Variants in RGR observed in about 807,000 individuals in gnomAD.
The protein encoded by RGR is retinal G protein coupled receptor.
In RGR, 30 loss-of-function variants were observed where a neutral mutation model predicts 28.6. That is an observed-to-expected ratio of 1.05 (90% CI 0.78 to 1.42). The LOEUF (loss-of-function observed/expected upper bound fraction) is 1.42, where lower values mean the gene tolerates loss of function less well. Among genes scored for constraint, RGR ranks in the 40% most tolerant of loss-of-function variants. RGR has a pLI of 0.00. For missense variants in RGR, 404 were observed against 375.6 expected (o/e 1.08, Z -0.62); for synonymous variants, 180 against 156.4 (o/e 1.15, Z -1.13).
At chr10:84,256,028 T>C (rs1185840149) in intron 5 of RGR, among the ~76,000 whole-genome samples, 1 of 149,940 alleles carries the variant, frequency 6.7e-6, no homozygotes, top group Admixed American at 6.6e-5. Context: ...CAGCCTTTTT[T>C]TTTTTTCTTT....
At chr10:84,256,827 T>A (rs1842893949) in intron 5 of RGR, among the ~76,000 whole-genome samples, 1 of 152,050 alleles carries the variant, frequency 6.6e-6, no homozygotes, top group Admixed American at 6.6e-5. Context: ...TAAACCATTG[T>A]CTCTGGTGGG....
Position 84,252,948 on chromosome 10 carries a change from G to T in RGR, c.450G>T (p.Trp150Cys). 1 of 1,614,072 alleles carries T rather than the reference G, an allele frequency of 6.2e-7. No individual in the cohort carries two copies. Residue 150 changes from tryptophan to cysteine, a missense_variant, in exon 4 of 7, where the codon TGG (tryptophan) becomes TGT (cysteine). Physicochemically the swap from Trp to Cys is radical, Grantham distance 215. Coordinates refer to ENST00000652092, the MANE Select transcript of RGR (RefSeq NM_001012720.2). ...GGGCAGCTCTGCCCCTTCTGGGTTG[G>T]GGTCACTACGACTATGAGCCACTGG... Reference protein sequence around the residue: ...AFWAALPLLGWGHYDYEPLGT... With the variant: ...AFWAALPLLGCGHYDYEPLGT...
chr10:84,256,124 G>A (rs1327724038), intron 5 of RGR, among the ~76,000 whole-genome samples: 2 of 114,268 alleles, frequency 1.8e-5, no homozygotes, highest in Non-Finnish European at 1.7e-5. Flanking sequence ...AGGCTGGAGT[G>A]CAGTGGCAAT....
intron 6 of RGR, 97 bp from the exon 7 acceptor site, chr10:84,258,411 G>C: frequency 6.3e-7 from 1 of 1,589,716 alleles, no homozygotes; most frequent in South Asian, 1.1e-5. Context: ...TAAATGATTG[G>C]CAGTTGTAGG....
In RGR at chr10:84,254,430, G is replaced by T. The variant is rs1411889108; in HGVS notation, c.617G>T (p.Ser206Ile). ...YSLMEQKLGK[S>I]GHLQVNTTLP... ...CTCATGGAGCAGAAACTGGGGAAGA[G>T]TGGCCATCTCCAGGTAAGGACCCCC... The change falls in exon 5 of 7, where the codon AGT becomes ATT. Residue 206 changes from serine (S) to isoleucine (I), a missense_variant. By Grantham distance (142) the Ser-to-Ile change is moderately radical. Transcript: ENST00000652092. 19 of 1,614,064 alleles carry T rather than the reference G, an allele frequency of 1.2e-5. No homozygotes were observed. Among genetic ancestry groups the T allele is most frequent in the Non-Finnish European group, 1.5e-5 (18 of 1,179,914 alleles).
In RGR at chr10:84,248,919, C is replaced by T. The variant is rs772957965; in HGVS notation, c.237-3C>T. ...GGTCACTGGTGCCCAGTGTCTCCCA[C>T]AGGCGCTGGCCCTACGGCTCGGACG... On this transcript the variant is annotated splice_region_variant and splice_polypyrimidine_tract_variant and intron_variant, in intron 2 of 6. Coordinates refer to ENST00000652092, the MANE Select transcript of RGR (RefSeq NM_001012720.2). The T allele has an allele frequency of 3.1e-6, 5 of 1,614,236 alleles. No individual in the cohort carries two copies. The South Asian group carries it at 5.5e-5, about 18-fold the overall frequency.
intron 5 of RGR, among the ~76,000 whole-genome samples, chr10:84,256,961 G>A (rs1007659758): frequency 2.0e-5 from 3 of 151,972 alleles, no homozygotes; most frequent in Non-Finnish European, 2.9e-5. Context: ...GGGCCCCGAG[G>A]TGCTGAGCTC....
chr10:84,248,848 C>T, intron 2 of RGR, 74 bp from the exon 3 acceptor site: 1 of 1,613,866 alleles, frequency 6.2e-7, no homozygotes, highest in Admixed American at 1.7e-5. Flanking sequence ...ACACACACTC[C>T]AAGCTGTACT....
chr10:84,252,982 T>C lies in RGR; in HGVS notation c.484T>C (p.Cys162Arg). 1 of 1,613,882 alleles carries C rather than the reference T, an allele frequency of 6.2e-7. No individual in the cohort carries two copies. Among genetic ancestry groups the C allele is most frequent in the Non-Finnish European group, 8.5e-7 (1 of 1,180,026 alleles). Residue 162 changes from cysteine to arginine, a missense_variant, in exon 4 of 7, where the codon TGC (cysteine) becomes CGC (arginine). By Grantham distance (180) the Cys-to-Arg change is radical. Transcript: ENST00000652092. ...HYDYEPLGTCCTLDYSKGDRN... is the reference protein window; with the variant it reads ...HYDYEPLGTCRTLDYSKGDRN... ...CGACTATGAGCCACTGGGGACATGC[T>C]GCACCCTGGACTACTCCAAGGGGGA...
intron 1 of RGR, among the ~76,000 whole-genome samples, chr10:84,246,284 G>A (rs746931433): frequency 3.9e-5 from 6 of 152,082 alleles, no homozygotes; most frequent in Admixed American, 6.6e-5. Context: ...TTACATAGAT[G>A]AATTACATCG....
chr10:84,250,521 C>T (rs1294575831), intron 3 of RGR: 4 of 191,864 alleles, frequency 2.1e-5, no homozygotes, highest in South Asian at 6.4e-5. Flanking sequence ...ATCTTATACA[C>T]ACACACACAC....
intron 1 of RGR, among the ~76,000 whole-genome samples, chr10:84,246,817 C>G (rs1375758483): frequency 2.6e-5 from 4 of 152,216 alleles, no homozygotes; most frequent in African/African-American, 9.7e-5. Flanking sequence ...CATAAGCATT[C>G]CCTTTTTACC....
chr10:84,258,025 C>T lies in RGR; in HGVS notation c.744+19C>T. The T allele has an allele frequency of 6.3e-7, 1 of 1,578,894 alleles. No homozygotes were observed. Among genetic ancestry groups the T allele is most frequent in the South Asian group, 1.1e-5 (1 of 90,296 alleles). ...GCAGATGGTACAGATACTTCTAGTA[C>T]CTAAAACTAGACCCCTCTCCATCTT... On this transcript the variant is annotated intron_variant, in intron 6 of 6. Coordinates refer to ENST00000652092, the MANE Select transcript of RGR (RefSeq NM_001012720.2).
intron 1 of RGR, among the ~76,000 whole-genome samples, chr10:84,246,951 T>C (rs1235833738): frequency 6.6e-6 from 1 of 152,234 alleles, no homozygotes; most frequent in East Asian, 1.9e-4. Context: ...TGGAATGCTC[T>C]TCCATGCACT....
intron 1 of RGR, 134 bp from the exon 2 acceptor site, chr10:84,247,457 A>T: frequency 9.5e-7 from 1 of 1,052,408 alleles, no homozygotes; most frequent in Non-Finnish European, 1.5e-6. Context: ...TATAGCATGA[A>T]GCATGCTACC....
At chr10:84,252,412 A>T (rs1589333039) in intron 3 of RGR, among the ~76,000 whole-genome samples, 1 of 151,644 alleles carries the variant, frequency 6.6e-6, no homozygotes, top group Non-Finnish European at 1.5e-5. Flanking sequence ...TCTCTTTGCC[A>T]CTCCCTCGTC....
rs61441525 is a variant in RGR at position 84,256,059 on chromosome 10, C to CTTTTTTTTTTTTT, written c.630+1633_630+1645dup. On this transcript the variant is annotated intron_variant, in intron 5 of 6. Coordinates refer to ENST00000652092, the MANE Select transcript of RGR (RefSeq NM_001012720.2). ...TCTTTGTTTCTTTTTTTTTTCCTTTCTTTTTTTTTTTTTTTTTTTTTTTTT... is the reference window on the plus strand; with the variant it reads ...TCTTTGTTTCTTTTTTTTTTCCTTTCTTTTTTTTTTTTTTTTTTTTTTTTTTTTTTTTTTTTTT... 1.8e-4 allele frequency among the ~76,000 whole-genome samples: 10 copies of CTTTTTTTTTTTTT among 54,362 alleles called. 1 individual carries two copies. Among genetic ancestry groups the CTTTTTTTTTTTTT allele is most frequent in the Non-Finnish European group, 2.8e-4 (9 of 32,374 alleles). The allele number at this position is 54,362 out of a possible 152,430, so 35.7% of individuals were successfully genotyped here.
At chr10:84,248,337 C>A in intron 2 of RGR, 1 of 368,092 alleles carries the variant, frequency 2.7e-6, no homozygotes, top group Non-Finnish European at 4.4e-6. Context: ...TCCATCACAG[C>A]TTCAGAAGGT....
intron 5 of RGR, 102 bp from the exon 6 acceptor site, chr10:84,257,791 A>C: frequency 1.1e-6 from 1 of 925,356 alleles, no homozygotes; most frequent in South Asian, 1.4e-5. Flanking sequence ...AGCCTGGTCC[A>C]TGCTGCCCCG....
Sources: allele counts gnomAD v4.1 joint callset (sites outside exome capture counted in the v4.1 genomes callset), GRCh38; gene constraint gnomAD v4.1.1; transcripts MANE v1.5; gene names NCBI Gene and HGNC (gene_info 2026-07-23, HGNC 2026-07-21).